Variants in TMEM117 observed in about 807,000 individuals in gnomAD.
TMEM117 encodes the protein transmembrane protein 117.
In TMEM117, 27 loss-of-function variants were observed where a neutral mutation model predicts 52.4. The observed-to-expected ratio is 0.51, with a 90% CI of 0.38 to 0.71. The LOEUF (loss-of-function observed/expected upper bound fraction) is 0.71. TMEM117 is among the 30% of genes least tolerant of loss of function. The pLI is 0.00. For missense variants in TMEM117, 556 were observed against 630.5 expected, an observed-to-expected ratio of 0.88 and a Z score of 1.26; for synonymous variants, 215 against 206.3, an observed-to-expected ratio of 1.04 and a Z score of -0.36.
At chr12:44,371,872 C>G (rs1457560665) in intron 6 of TMEM117, among the ~76,000 whole-genome samples, 2 of 152,024 alleles carry the variant, frequency 1.3e-5, no homozygotes, top group Admixed American at 6.6e-5. Flanking sequence ...ATTGCATAGG[C>G]AAAAGTAAAC....
intron 5 of TMEM117, among the ~76,000 whole-genome samples, chr12:44,296,852 G>C (rs1243432423): frequency 6.6e-6 from 1 of 152,186 alleles, no homozygotes; most frequent in South Asian, 2.1e-4. Flanking sequence ...GATGATTCTG[G>C]TGGCAGGACA....
intron 3 of TMEM117, among the ~76,000 whole-genome samples, chr12:43,963,231 T>C (rs1945432422): frequency 6.6e-6 from 1 of 151,508 alleles, no homozygotes; most frequent in Non-Finnish European, 1.5e-5. Flanking sequence ...ACACTATATA[T>C]ATATCTCTAT....
intron 3 of TMEM117, among the ~76,000 whole-genome samples, chr12:44,069,953 G>A (rs977333237): frequency 1.2e-4 from 19 of 152,114 alleles, no homozygotes; most frequent in Non-Finnish European, 2.8e-4. Flanking sequence ...GCAGTGGCAC[G>A]GGCTTGGCTC....
Position 44,371,557 on chromosome 12 carries a change from G to T in TMEM117, c.769-5038G>T, listed in dbSNP as rs573176190. Reference sequence around the variant, plus strand: ...CTATGGCTTTAGTTTCGCAGGGTAGGGTAATCAGTATCATTACATTTTTAT... The same window carrying T: ...CTATGGCTTTAGTTTCGCAGGGTAGTGTAATCAGTATCATTACATTTTTAT... On this transcript the variant is annotated intron_variant, in intron 6 of 7. Transcript: ENST00000266534. Among the ~76,000 whole-genome samples the T allele has an allele frequency of 9.8e-4, 149 of 152,180 alleles. 3 individuals are homozygous for T. In the South Asian group the frequency reaches 0.028, roughly 29 times the overall value.
chr12:44,248,884 G>C (rs1386912505), intron 5 of TMEM117: 1 of 154,576 alleles, frequency 6.5e-6, no homozygotes. Flanking sequence ...ACCAGAGCCA[G>C]AGTTTTGGCC....
intron 4 of TMEM117, among the ~76,000 whole-genome samples, chr12:44,146,756 A>G (rs1948648102): frequency 6.6e-6 from 1 of 152,200 alleles, no homozygotes. Context: ...TGTCTATAGG[A>G]TTCTCATCGT....
At chr12:44,319,177 A>G (rs1951098655) in intron 6 of TMEM117, among the ~76,000 whole-genome samples, 1 of 152,208 alleles carries the variant, frequency 6.6e-6, no homozygotes, top group Non-Finnish European at 1.5e-5. Flanking sequence ...TAATGCCTGC[A>G]TGGCCATGCT....
At chr12:44,022,162 G>T (rs947522430) in intron 3 of TMEM117, among the ~76,000 whole-genome samples, 3 of 152,112 alleles carry the variant, frequency 2.0e-5, no homozygotes, top group African/African-American at 7.2e-5. Flanking sequence ...AACACTAAAG[G>T]ACTTAAAGTC....
At chr12:44,238,903 TTTC>T (rs1950030086) in intron 5 of TMEM117, among the ~76,000 whole-genome samples, 1 of 152,188 alleles carries the variant, frequency 6.6e-6, no homozygotes. Flanking sequence ...TTCTTCTTCT[TTTC>T]TTCATTATCT....
chr12:44,329,468 G>T (rs188467941), intron 6 of TMEM117, among the ~76,000 whole-genome samples: 1 of 152,172 alleles, frequency 6.6e-6, no homozygotes, highest in East Asian at 1.9e-4. Context: ...TACCGTATTT[G>T]GTGTTTAACC....
chr12:43,939,733 A>G (rs115119835), intron 2 of TMEM117, among the ~76,000 whole-genome samples: 4,451 of 152,270 alleles, frequency 0.029, 205 homozygotes, highest in African/African-American at 0.1. Flanking sequence ...GCTTAGTTTG[A>G]TAACTCAGAC....
At chr12:44,205,328 A>G (rs1278928638) in intron 4 of TMEM117, among the ~76,000 whole-genome samples, 2 of 152,162 alleles carry the variant, frequency 1.3e-5, no homozygotes, top group Admixed American at 6.6e-5. Flanking sequence ...TATGTAAGTC[A>G]TACTTTTGCT....
At chr12:44,205,381 T>C (rs1949551544) in intron 4 of TMEM117, among the ~76,000 whole-genome samples, 1 of 152,184 alleles carries the variant, frequency 6.6e-6, no homozygotes, top group Non-Finnish European at 1.5e-5. Flanking sequence ...TTCCCAGCCA[T>C]GTGGAACTGT....
intron 2 of TMEM117, among the ~76,000 whole-genome samples, chr12:43,933,249 GAGTGC>G (rs1005044335): frequency 2.6e-5 from 4 of 151,460 alleles, no homozygotes; most frequent in Non-Finnish European, 4.4e-5. Context: ...GCCCAGGTTG[GAGTGC>G]AGTGGCACGA....
intron 3 of TMEM117, among the ~76,000 whole-genome samples, chr12:43,977,921 G>A (rs1311763284): frequency 6.6e-6 from 1 of 152,144 alleles, no homozygotes; most frequent in Non-Finnish European, 1.5e-5. Flanking sequence ...GGTGTCAATG[G>A]ATACATGTAC....
At chr12:44,395,084 G>C in the TMEM117 span, among the ~76,000 whole-genome samples, 1 of 152,316 alleles carries the variant, frequency 6.6e-6, no homozygotes, top group East Asian at 1.9e-4. Flanking sequence ...GAAACAAAAT[G>C]TGTAAGATGA....
intron 5 of TMEM117, among the ~76,000 whole-genome samples, chr12:44,283,394 C>T (rs919804098): frequency 6.6e-6 from 1 of 152,098 alleles, no homozygotes; most frequent in Non-Finnish European, 1.5e-5. Context: ...GTCACAGGGG[C>T]GGAGCTGCCC....
chr12:44,192,015 C>T (rs1381713402), intron 4 of TMEM117, among the ~76,000 whole-genome samples: 2 of 152,114 alleles, frequency 1.3e-5, no homozygotes, highest in Non-Finnish European at 2.9e-5. Flanking sequence ...CCAGAGTCAG[C>T]TTTAAGCATT....
intron 6 of TMEM117, among the ~76,000 whole-genome samples, chr12:44,305,485 G>A (rs542807542): frequency 6.6e-6 from 1 of 151,232 alleles, no homozygotes; most frequent in Admixed American, 6.6e-5. Context: ...ATCTAAAATT[G>A]GGCAAAAGAA....
Sources: allele counts gnomAD v4.1 joint callset (sites outside exome capture counted in the v4.1 genomes callset), GRCh38; gene constraint gnomAD v4.1.1; transcripts MANE v1.5; gene names NCBI Gene and HGNC (gene_info 2026-07-23, HGNC 2026-07-21).